The following CATSPERG variants were observed in gnomAD, a reference collection of about 807,000 sequenced individuals.
CATSPERG encodes cation channel sperm-associated auxiliary subunit gamma.
Under a neutral mutation model 145.0 loss-of-function variants are expected in CATSPERG, and 115 were observed. That is an observed-to-expected ratio of 0.79 (90% CI 0.68 to 0.93). CATSPERG has a LOEUF of 0.93. Among genes scored for constraint, CATSPERG ranks in the 40% least tolerant of loss-of-function variants. The probability of loss-of-function intolerance (pLI) is 0.00; values close to 1 mark genes in which losing one functional copy is unlikely to be tolerated. For synonymous variants in CATSPERG, 588 were observed against 589.0 expected (o/e 1.00, Z 0.02); for missense variants, 1,296 against 1,490.1 (o/e 0.87, Z 2.14).
At chr19:38,352,463 G>T in intron 8 of CATSPERG, 31 bp downstream of exon 8, 1 of 1,549,902 alleles carries the variant, frequency 6.5e-7, no homozygotes, top group Non-Finnish European at 8.7e-7. Context: ...CCCACGCCTG[G>T]GGAGGGCACC....
At position 38,360,841 on chromosome 19, in the gene CATSPERG, A is replaced by C; in HGVS notation, c.1878A>C (p.Lys626Asn). 6.2e-7 allele frequency: 1 copy of C among 1,608,370 alleles called. No individual in the cohort carries two copies. The highest frequency in any genetic ancestry group is 8.5e-7 in the Non-Finnish European group (1 of 1,176,802). ...QHTSHYDLERKGGYLMLSFID... is the reference protein window; with the variant it reads ...QHTSHYDLERNGGYLMLSFID... ...CCAGCCACTATGACTTGGAGCGGAA[A>C]GGGTGAGAAGACACCGGACCATGAC... Residue 626 changes from lysine (K) to asparagine (N), a missense_variant and splice_region_variant, in exon 16 of 29, where the codon AAA becomes AAC. Transcript: ENST00000409235.
chr19:38,350,577 C>T (rs1746077046), intron 7 of CATSPERG, among the ~76,000 whole-genome samples: 1 of 152,098 alleles, frequency 6.6e-6, no homozygotes, highest in Non-Finnish European at 1.5e-5. Context: ...TGGGATTTCA[C>T]CATGTTAGCC....
chr19:38,361,827 A>G lies in CATSPERG; in HGVS notation c.2060A>G (p.Tyr687Cys). ...CTCGCCATCTACCAGGGCCTGGTCT[A>G]CTACCTGCTGTGGCTGCACTCCGTG... ...NSLAIYQGLV[Y>C]YLLWLHSVYD... The change falls in exon 17 of 29, where the codon TAC becomes TGC. Residue 687 changes from tyrosine (Y) to cysteine (C), a missense_variant. Coordinates refer to ENST00000409235, the MANE Select transcript of CATSPERG (RefSeq NM_021185.5). 6.2e-7 allele frequency: 1 copy of G among 1,611,484 alleles called. No homozygotes were observed. Among genetic ancestry groups the G allele is most frequent in the Non-Finnish European group, 8.5e-7 (1 of 1,178,864 alleles).
Position 38,356,802 on chromosome 19 carries a change from T to C in CATSPERG, c.1256T>C (p.Leu419Pro), listed in dbSNP as rs781071964. Residue 419 changes from leucine to proline, a missense_variant, in exon 11 of 29, where the codon CTG becomes CCG. Physicochemically the swap from Leu to Pro is moderately conservative, Grantham distance 98 (BLOSUM62 -3). Coordinates refer to ENST00000409235, the MANE Select transcript of CATSPERG (RefSeq NM_021185.5). ...YIAGEYTLLL[L>P]VESGYGNASK... ...GCGGGTGAGTATACTCTACTGCTGC[T>C]GGTGGAGAGTGGATATGGTAATGCA... 2.1e-5 allele frequency: 34 copies of C among 1,613,970 alleles called. No homozygotes were observed. In the South Asian group the frequency reaches 3.5e-4, roughly 17 times the overall value.
chr19:38,336,687 C>T (rs1361862285), intron 1 of CATSPERG: 1 of 231,028 alleles, frequency 4.3e-6, no homozygotes, highest in Non-Finnish European at 8.9e-6. Flanking sequence ...TACACGGGTG[C>T]GATCGCAGGC....
At chr19:38,357,269 G>GGAGGCC (rs1363988441) in intron 11 of CATSPERG, among the ~76,000 whole-genome samples, 1 of 151,818 alleles carries the variant, frequency 6.6e-6, no homozygotes, top group Non-Finnish European at 1.5e-5. Flanking sequence ...CAGCACTTTG[G>GGAGGCC]GAGGCCAAGG....
In CATSPERG at chr19:38,364,919, A is replaced by C; in HGVS notation, c.2504A>C (p.Tyr835Ser). The C allele has an allele frequency of 6.2e-7, 1 of 1,614,118 alleles. No individual in the cohort carries two copies. The highest frequency in any genetic ancestry group is 8.5e-7 in the Non-Finnish European group (1 of 1,179,928). The stretch of plus-strand genomic sequence containing the variant: ...ACGCTCAAGGATAAAAAGCTTTGCT[A>C]TGACCAAGGCATTAGTGGACATCAC... ...SITLKDKKLC[Y>S]DQGISGHHLM... is the part of the protein sequence containing the mutation. Residue 835 changes from tyrosine (Y) to serine (S), a missense_variant, in exon 21 of 29, where the codon TAT (tyrosine) becomes TCT (serine). Tyr to Ser is a moderately radical substitution (Grantham distance 144). Transcript: ENST00000409235.
At chr19:38,365,214 A>G in intron 22 of CATSPERG, 97 bp downstream of exon 22, 1 of 1,059,748 alleles carries the variant, frequency 9.4e-7, no homozygotes, top group Non-Finnish European at 1.4e-6. Flanking sequence ...TGCATTCATA[A>G]TTTCCTTTCT....
At chr19:38,342,720 A>G (rs1426698851) in intron 3 of CATSPERG, among the ~76,000 whole-genome samples, 1 of 151,572 alleles carries the variant, frequency 6.6e-6, no homozygotes, top group African/African-American at 2.4e-5. Flanking sequence ...CTGGTCCCAC[A>G]GCAACCAAGG....
chr19:38,362,015 G>T, intron 17 of CATSPERG, 154 bp downstream of exon 17: 1 of 911,096 alleles, frequency 1.1e-6, no homozygotes, highest in Non-Finnish European at 1.7e-6. Context: ...GGCCTGGCTT[G>T]AGCAGGACTT....
At chr19:38,361,898 G>A in intron 17 of CATSPERG, 37 bp downstream of exon 17, 5 of 1,557,768 alleles carry the variant, frequency 3.2e-6, no homozygotes, top group Non-Finnish European at 4.4e-6. Flanking sequence ...GCCTGAGACG[G>A]GACTGGGGCA....
chr19:38,340,584 T>G (rs1197528617), intron 3 of CATSPERG, among the ~76,000 whole-genome samples: 2 of 151,836 alleles, frequency 1.3e-5, no homozygotes, highest in Non-Finnish European at 2.9e-5. Flanking sequence ...CCTCCCAAAG[T>G]GCTGGGATTA....
At chr19:38,346,705 AG>A (rs1970047558) in intron 7 of CATSPERG, 100 bp downstream of exon 7, 1 of 1,115,162 alleles carries the variant, frequency 9.0e-7, no homozygotes, top group Admixed American at 2.8e-5. Context: ...AAGTCCCCAA[AG>A]ACATATCTGT....
In CATSPERG at chr19:38,344,056, G is replaced by T. The variant is rs1171447177; in HGVS notation, c.533G>T (p.Gly178Val). 6.4e-7 allele frequency: 1 copy of T among 1,551,616 alleles called. No individual in the cohort carries two copies. Among genetic ancestry groups the T allele is most frequent in the Admixed American group, 2.0e-5 (1 of 51,010 alleles). Residue 178 changes from glycine (G) to valine (V), a missense_variant, in exon 5 of 29, where the codon GGC becomes GTC. Coordinates refer to ENST00000409235, the MANE Select transcript of CATSPERG (RefSeq NM_021185.5). ...SWYTPMPIKK[G>V]SVVMRVDISS... ...TACACGCCCATGCCCATCAAGAAAG[G>T]CAGTGTGGTCATGCGTGTGGACATC...
chr19:38,337,616 C>T lies in CATSPERG; in HGVS notation c.294C>T (p.Tyr98=), dbSNP rs1969864178. The T allele has an allele frequency of 6.4e-7, 1 of 1,551,602 alleles. No individual in the cohort carries two copies. Among genetic ancestry groups the T allele is most frequent in the African/African-American group, 1.4e-5 (1 of 73,032 alleles). ...PSEKYLGFPY[Y]LKINYSCEEK... is the part of the protein sequence containing the mutation. ...AGAAATACCTGGGCTTCCCTTACTA[C>T]CTGAAGATCAACTACTCCTGCGAGG... Residue 98 remains tyrosine, a synonymous_variant, in exon 3 of 29, where the codon TAC becomes TAT. Transcript: ENST00000409235.
At chr19:38,360,197 A>AGT (rs780695910) in intron 14 of CATSPERG, 2 of 985,096 alleles carry the variant, frequency 2.0e-6, no homozygotes, top group Admixed American at 6.2e-5. Context: ...GCTGTTAGGG[A>AGT]GTGTGTGTGT....
At chr19:38,368,008 G>A (rs534343292) in intron 25 of CATSPERG, 40 bp from the exon 26 acceptor site, 60 of 1,586,012 alleles carry the variant, frequency 3.8e-5, no homozygotes, top group Non-Finnish European at 4.5e-5. Flanking sequence ...CCCCTACACC[G>A]CCCCCCAACC....
rs980548175 is a variant in CATSPERG at position 38,337,069 on chromosome 19, G to A, written c.-14-152G>A. ...GGGCCAGGAGCAAGAGCAGGGGCGG[G>A]ACCAAGAGCAAGTGCAGGGGCGGGG... On this transcript the variant is annotated intron_variant, in intron 1 of 28. Transcript: ENST00000409235. 6 of 908,676 alleles carry A rather than the reference G, an allele frequency of 6.6e-6. No homozygotes were observed. The African/African-American group carries it at 8.3e-5, about 13-fold the overall frequency. The allele number at this position is 908,676 out of a possible 1,614,324, so 56.3% of individuals were successfully genotyped here. A position where few individuals can be genotyped will look rare whatever the true frequency, so the allele number is the denominator to read the frequency against.
chr19:38,367,789 G>A lies in CATSPERG; in HGVS notation c.2930+13G>A. On this transcript the variant is annotated intron_variant, in intron 25 of 28. Coordinates refer to ENST00000409235, the MANE Select transcript of CATSPERG (RefSeq NM_021185.5). Reference sequence around the variant, plus strand: ...GCCCCCTGGACAAGTAATCCCCGTGGGGTCCCACGTGTAATCCACCTTGCT... The same window carrying A: ...GCCCCCTGGACAAGTAATCCCCGTGAGGTCCCACGTGTAATCCACCTTGCT... 6.2e-7 allele frequency: 1 copy of A among 1,611,562 alleles called. No homozygotes were observed. Among genetic ancestry groups the A allele is most frequent in the Non-Finnish European group, 8.5e-7 (1 of 1,177,842 alleles).
Sources: allele counts gnomAD v4.1 joint callset (sites outside exome capture counted in the v4.1 genomes callset), GRCh38; gene constraint gnomAD v4.1.1; transcripts MANE v1.5; gene names NCBI Gene and HGNC (gene_info 2026-07-23, HGNC 2026-07-21).